KANK3: variants seen among roughly 807,000 people sequenced by gnomAD.
KANK3 encodes the protein KN motif and ankyrin repeat domains 3.
A neutral mutation model predicts 65.4 loss-of-function variants in KANK3; 61 were observed. The ratio of observed to expected loss-of-function variants is 0.93; its 90% confidence interval spans 0.76 to 1.15. The LOEUF is 1.15. KANK3 is among the 50% of genes most tolerant of loss of function. The pLI is 0.00. For synonymous variants in KANK3, 586 were observed against 543.3 expected (o/e 1.08, Z -1.09); for missense variants, 1,187 against 1,178.8 (o/e 1.01, Z -0.10).
chr19:8,337,759 GCACA>G (rs371774392), intron 2 of KANK3, 32 bp downstream of exon 2: 20 of 1,591,770 alleles, frequency 1.3e-5, no homozygotes, highest in Middle Eastern at 1.7e-4. Context: ...CTGTGCATGC[GCACA>G]CACACACACA....
intron 7 of KANK3, among the ~76,000 whole-genome samples, chr19:8,327,608 T>C (rs907910610): frequency 6.6e-6 from 1 of 151,832 alleles, no homozygotes; most frequent in Non-Finnish European, 1.5e-5. Flanking sequence ...TCCAGCCTGG[T>C]GACAGAGCGA....
Position 8,334,328 on chromosome 19 carries a change from G to C in KANK3, c.1419C>G (p.Leu473=), listed in dbSNP as rs1247637671. The C allele has an allele frequency of 6.2e-7, 1 of 1,614,106 alleles. No individual in the cohort carries two copies. The highest frequency in any genetic ancestry group is 1.7e-4 in the Middle Eastern group (1 of 6,060). ...AGGGGAAAGGCGCTCACTCTCCGTT[G>C]AGGACCCCAACAAACTGCAGGCTCT... ...GPKSLQFVGV[L]NGEYESSSSE... is the part of the protein sequence containing the mutation. Residue 473 remains leucine (L), a synonymous_variant, in exon 4 of 11, where the codon CTC becomes CTG. Coordinates refer to ENST00000330915, the MANE Select transcript of KANK3 (RefSeq NM_198471.3).
At chr19:8,329,492 CAAAAAAAA>C (rs59607185) in intron 7 of KANK3, among the ~76,000 whole-genome samples, 4 of 51,106 alleles carry the variant, frequency 7.8e-5, no homozygotes, top group African/African-American at 1.5e-4. Flanking sequence ...GACTCGGCCT[CAAAAAAAA>C]AAAAAAAAAA....
chr19:8,334,731 G>T lies in KANK3; in HGVS notation c.1096C>A (p.Arg366Ser), dbSNP rs1156819269. 9.2e-6 allele frequency: 14 copies of T among 1,529,964 alleles called. No individual in the cohort carries two copies. Among genetic ancestry groups the T allele is most frequent in the Non-Finnish European group, 1.1e-5 (13 of 1,145,264 alleles). 94.8% of individuals were successfully genotyped at this position (1,529,964 alleles called of 1,614,324 possible). A position where few individuals can be genotyped will look rare whatever the true frequency, so the allele number is the denominator to read the frequency against. ...ELLRASLEHQ[R>S]GVSELLRGRL... is the part of the protein sequence containing the mutation. The stretch of plus-strand genomic sequence containing the variant: ...CCCCGCAGAAGCTCACTCACCCCGC[G>T]CTGGTGCTCCAGACTGGCGCGCAGC... The change falls in exon 3 of 11, where the codon CGC becomes AGC. Residue 366 changes from arginine to serine, a missense_variant. By Grantham distance (110) the Arg-to-Ser change is moderately radical. Around this residue, in one of 3 missense-constraint regions of KANK3, gnomAD observed 1,078 missense variants for 1,038.2 expected, o/e 1.04. Transcript: ENST00000330915.
chr19:8,333,689 G>A lies in KANK3; in HGVS notation c.1719+35C>T. 7.0e-7 allele frequency: 1 copy of A among 1,421,256 alleles called. No homozygotes were observed. The highest frequency in any genetic ancestry group is 9.2e-7 in the Non-Finnish European group (1 of 1,085,596). The allele number at this position is 1,421,256 out of a possible 1,614,324, so 88.0% of individuals were successfully genotyped here. A position where few individuals can be genotyped will look rare whatever the true frequency, so the allele number is the denominator to read the frequency against. On this transcript the variant is annotated intron_variant, in intron 6 of 10. Coordinates refer to ENST00000330915, the MANE Select transcript of KANK3 (RefSeq NM_198471.3). The surrounding 1 kb of genome is among the most constrained non-coding windows in gnomAD (Gnocchi z 5.0). Reference sequence around the variant, plus strand: ...GTCAGAGGTCCTTGGAGGCTCCCACGCCACTCCCTGGTGCTGCGCTCCCGG... The same window carrying A: ...GTCAGAGGTCCTTGGAGGCTCCCACACCACTCCCTGGTGCTGCGCTCCCGG...
Position 8,335,506 on chromosome 19 carries a change from G to A in KANK3, c.321C>T (p.Ser107=). ...SDDGGAPGIL[S]QGAPSGLLMQ... Reference sequence around the variant, plus strand: ...TCAGGAGCCCCGAGGGCGCGCCCTGGGAGAGTATGCCCGGTGCTCCACCGT... The same window carrying A: ...TCAGGAGCCCCGAGGGCGCGCCCTGAGAGAGTATGCCCGGTGCTCCACCGT... The change falls in exon 3 of 11, where the codon TCC becomes TCT. Residue 107 remains serine, a synonymous_variant. Coordinates refer to ENST00000330915, the MANE Select transcript of KANK3 (RefSeq NM_198471.3). The A allele has an allele frequency of 8.1e-7, 1 of 1,237,898 alleles. No individual in the cohort carries two copies. Among genetic ancestry groups the A allele is most frequent in the Non-Finnish European group, 1.0e-6 (1 of 984,910 alleles). 76.7% of individuals were successfully genotyped at this position (1,237,898 alleles called of 1,614,324 possible).
intron 10 of KANK3, 196 bp from the exon 11 acceptor site, chr19:8,323,118 C>T: frequency 4.5e-6 from 2 of 446,916 alleles, no homozygotes; most frequent in South Asian, 4.2e-5. Context: ...GGGGTGAGTA[C>T]AGGTGTTCCT....
chr19:8,333,744 G>A lies in KANK3; in HGVS notation c.1699C>T (p.Arg567Cys), dbSNP rs1419275664. The A allele has an allele frequency of 2.0e-6, 3 of 1,472,326 alleles. No individual in the cohort carries two copies. The highest frequency in any genetic ancestry group is 2.7e-6 in the Non-Finnish European group (3 of 1,108,406). 91.2% of individuals were successfully genotyped at this position (1,472,326 alleles called of 1,614,324 possible). ...VALQRQLSRP[R>C]GVASDGGAVR... The stretch of plus-strand genomic sequence containing the variant: ...CTCACGCCGTCGCTGGCTACTCCGC[G>A]GGGCCGGCTCAGCTGCCGCTGCAGC... The change falls in exon 6 of 11, where the codon CGC becomes TGC. Residue 567 changes from arginine to cysteine, a missense_variant. Around this residue, in one of 3 missense-constraint regions of KANK3, gnomAD observed 1,078 missense variants for 1,038.2 expected, o/e 1.04. Transcript: ENST00000330915. This position sits in a 1 kb window ranked among gnomAD's most constrained non-coding sequence, Gnocchi z 5.0.
chr19:8,329,128 G>A lies in KANK3; in HGVS notation c.1936+3886C>T, dbSNP rs142217366. On this transcript the variant is annotated intron_variant, in intron 7 of 10. Transcript: ENST00000330915. ...AGACCTTGCAGTGAGCCGAGATGGC[G>A]CCACTGCACTCCAGCCTGGGTGACA... 1.4e-4 allele frequency among the ~76,000 whole-genome samples: 19 copies of A among 137,824 alleles called. No individual in the cohort carries two copies. In the East Asian group the frequency reaches 3.7e-3, roughly 27 times the overall value. 90.4% of individuals were successfully genotyped at this position (137,824 alleles called of 152,430 possible). A position where few individuals can be genotyped will look rare whatever the true frequency, so the allele number is the denominator to read the frequency against.
Position 8,325,071 on chromosome 19 carries a change from G to A in KANK3, c.1962C>T (p.Asn654=), listed in dbSNP as rs763039167. ...DTGACEVNRQ[N]RAGYSALMLA... ...GCATGAGGGCCGAGTAGCCGGCTCGGTTCTGGCGGTTGACCTCGCAGGCCC... is the reference window on the plus strand; with the variant it reads ...GCATGAGGGCCGAGTAGCCGGCTCGATTCTGGCGGTTGACCTCGCAGGCCC... Residue 654 remains asparagine (N), a synonymous_variant, in exon 8 of 11, where the codon AAC becomes AAT. Transcript: ENST00000330915. The A allele has an allele frequency of 5.6e-6, 9 of 1,613,296 alleles. No individual in the cohort carries two copies. The highest frequency in any genetic ancestry group is 7.6e-6 in the Non-Finnish European group (9 of 1,179,934).
intron 1 of KANK3, among the ~76,000 whole-genome samples, chr19:8,340,567 G>A (rs752018460): frequency 5.9e-5 from 9 of 152,044 alleles, no homozygotes; most frequent in East Asian, 1.9e-4. Flanking sequence ...GCCACGGCCC[G>A]TCTGTGCTAA....
intron 1 of KANK3, among the ~76,000 whole-genome samples, chr19:8,339,213 T>C (rs886311105): frequency 6.6e-6 from 1 of 152,102 alleles, no homozygotes; most frequent in African/African-American, 2.4e-5. Context: ...TAATGTGATA[T>C]TTAACAAGGA....
At chr19:8,327,662 T>G (rs10404152) in intron 7 of KANK3, among the ~76,000 whole-genome samples, 40,309 of 151,716 alleles carry the variant, frequency 0.27, 5,634 homozygotes, top group African/African-American at 0.34. Flanking sequence ...AGTGTGGTGG[T>G]TCATGCCTGT....
rs762279868 is a variant in KANK3, at chr19:8,334,765, C to G, written c.1062G>C (p.Glu354Asp). Residue 354 changes from glutamate (E) to aspartate (D), a missense_variant, in exon 3 of 11, where the codon GAG becomes GAC. Glu to Asp is a conservative substitution (Grantham distance 45, BLOSUM62 2). This residue lies in a region of KANK3 where 1,078 missense variants were observed against 1,038.2 expected (regional missense o/e 1.04). Coordinates refer to ENST00000330915, the MANE Select transcript of KANK3 (RefSeq NM_198471.3). Reference sequence around the variant, plus strand: ...CCAGACTGGCGCGCAGCAGCTCTAGCTCGCGCTCGGCGGCCGCAGGCAGCC... The same window carrying G: ...CCAGACTGGCGCGCAGCAGCTCTAGGTCGCGCTCGGCGGCCGCAGGCAGCC... ...LLGLPAAAER[E>D]LELLRASLEH... 3 of 1,505,734 alleles carry G rather than the reference C, an allele frequency of 2.0e-6. No homozygotes were observed. The highest frequency in any genetic ancestry group is 2.7e-5 in the East Asian group (1 of 37,164). 93.3% of individuals were successfully genotyped at this position (1,505,734 alleles called of 1,614,324 possible).
At chr19:8,331,451 C>T (rs1970523689) in intron 7 of KANK3, among the ~76,000 whole-genome samples, 1 of 152,040 alleles carries the variant, frequency 6.6e-6, no homozygotes, top group South Asian at 2.1e-4. Context: ...GAGGGATCTG[C>T]GTGTTTAGGG....
chr19:8,329,837 T>A (rs1366249446), intron 7 of KANK3, among the ~76,000 whole-genome samples: 2 of 152,148 alleles, frequency 1.3e-5, no homozygotes, highest in Admixed American at 1.3e-4. Context: ...ACCTGCTTTG[T>A]GTAACTTGTT....
intron 1 of KANK3, among the ~76,000 whole-genome samples, chr19:8,340,275 C>CATATATATATATATATAT (rs1555684729): frequency 4.5e-4 from 30 of 66,010 alleles, no homozygotes; most frequent in African/African-American, 6.2e-4. Flanking sequence ...AAAAAAAAAC[C>CATATATATATATATATAT]ATATATATAT....
At chr19:8,337,769 A>C in intron 2 of KANK3, 26 bp downstream of exon 2, 2 of 1,611,054 alleles carry the variant, frequency 1.2e-6, no homozygotes, top group Non-Finnish European at 1.7e-6. Context: ...GCACACACAC[A>C]CACATCTCTC....
In KANK3 at chr19:8,335,029, G is replaced by T; in HGVS notation, c.798C>A (p.Ser266Arg). ...GGCCGTCTGGGCTGTCAGCCCGGGGGCTGGCCCTGGCACGGCCGCCGCGCT... is the reference window on the plus strand; with the variant it reads ...GGCCGTCTGGGCTGTCAGCCCGGGGTCTGGCCCTGGCACGGCCGCCGCGCT... Reference protein sequence around the residue: ...TSERGGRARASPRADSPDGLA... With the variant: ...TSERGGRARARPRADSPDGLA... Residue 266 changes from serine to arginine, a missense_variant, in exon 3 of 11, where the codon AGC (serine) becomes AGA (arginine). Ser to Arg is a moderately radical substitution (Grantham distance 110, BLOSUM62 -1). Transcript: ENST00000330915. 6 of 1,415,092 alleles carry T rather than the reference G, an allele frequency of 4.2e-6. No individual in the cohort carries two copies. Among genetic ancestry groups the T allele is most frequent in the Non-Finnish European group, 5.5e-6 (6 of 1,093,650 alleles). 87.7% of individuals were successfully genotyped at this position (1,415,092 alleles called of 1,614,324 possible).
Sources: gnomAD v4.1 joint callset for allele counts (sites outside exome capture counted in the v4.1 genomes callset) on GRCh38, gnomAD v4.1.1 for gene constraint, gnomAD v4.1.1 regional missense constraint, Gnocchi (gnomAD v3.1) non-coding constraint, MANE v1.5 for transcripts, NCBI Gene and HGNC (gene_info 2026-07-23, HGNC 2026-07-21) for gene names.